The following CETP variants were observed in gnomAD, a reference collection of about 807,000 sequenced individuals.
CETP encodes the protein cholesteryl ester transfer protein.
A neutral mutation model predicts 66.5 loss-of-function variants in CETP; 56 were observed. That is an observed-to-expected ratio of 0.84 (90% CI 0.68 to 1.05). CETP has a LOEUF of 1.05. Ranked by LOEUF, CETP falls within the 50% of genes least tolerant of loss-of-function variation. The pLI, the probability that CETP is intolerant of heterozygous loss-of-function variation, is 0.00. For synonymous variants in CETP, 251 were observed against 245.7 expected (o/e 1.02, Z -0.20); for missense variants, 612 against 609.6 (o/e 1.00, Z -0.04).
At chr16:56,969,242 CAT>C in intron 2 of CETP, 142 bp from the exon 3 acceptor site, 1 of 1,047,366 alleles carries the variant, frequency 9.5e-7, no homozygotes, top group Non-Finnish European at 1.5e-6. Context: ...TGTTGGGTAA[CAT>C]ATTTGCAGGT....
intron 14 of CETP, 100 bp downstream of exon 14, chr16:56,982,337 C>T: frequency 8.8e-7 from 1 of 1,141,880 alleles, no homozygotes; most frequent in Non-Finnish European, 1.3e-6. Flanking sequence ...TGCCCCTCTT[C>T]CCAGTCATTG....
At chr16:56,979,244 A>G (rs2056171260) in intron 11 of CETP, among the ~76,000 whole-genome samples, 1 of 152,224 alleles carries the variant, frequency 6.6e-6, no homozygotes, top group Admixed American at 6.5e-5. Flanking sequence ...AATTTGTAAA[A>G]GTAGTATAGT....
intron 1 of CETP, 55 bp from the exon 2 acceptor site, chr16:56,962,955 G>A (rs747963682): frequency 1.0e-5 from 15 of 1,501,776 alleles, no homozygotes; most frequent in Non-Finnish European, 1.2e-5. Flanking sequence ...TTGGGGGTGG[G>A]AGCAGGGGGC....
chr16:56,977,864 A>C (rs2056160613), intron 10 of CETP, among the ~76,000 whole-genome samples: 1 of 152,202 alleles, frequency 6.6e-6, no homozygotes, highest in South Asian at 2.1e-4. Flanking sequence ...CTGAGAGAGG[A>C]GTTCAGGGTA....
chr16:56,978,391 A>G, intron 11 of CETP, 136 bp downstream of exon 11: 1 of 1,009,912 alleles, frequency 9.9e-7, no homozygotes, highest in South Asian at 1.3e-5. Context: ...TCTCTTGCAC[A>G]TGGCTCCTTA....
rs1266729363 is a variant in CETP at position 56,983,789 on chromosome 16, G to T, written c.*123G>T. 1.1e-6 allele frequency: 1 copy of T among 897,302 alleles called. No individual in the cohort carries two copies. Among genetic ancestry groups the T allele is most frequent in the Non-Finnish European group, 1.9e-6 (1 of 538,254 alleles). 55.6% of individuals were successfully genotyped at this position (897,302 alleles called of 1,614,324 possible). A position where few individuals can be genotyped will look rare whatever the true frequency, so the allele number is the denominator to read the frequency against. ...GTTAGGAGTACGGAGATGGAGATTG[G>T]CTCCCAACTCCTCCCTATCCTAAAG... is the stretch of plus-strand genomic sequence containing the variant. On this transcript the variant is annotated 3_prime_UTR_variant, in exon 16 of 16. Transcript: ENST00000200676.
At chr16:56,983,300 G>T in intron 14 of CETP, 26 bp from the exon 15 acceptor site, 2 of 1,607,636 alleles carry the variant, frequency 1.2e-6, no homozygotes, top group South Asian at 2.2e-5. Flanking sequence ...AAGAAGGGCT[G>T]ACTGGGGCTC....
chr16:56,965,331 TA>T (rs1173047653), intron 2 of CETP, among the ~76,000 whole-genome samples: 2 of 152,216 alleles, frequency 1.3e-5, no homozygotes, highest in African/African-American at 4.8e-5. Flanking sequence ...TGATTAATGT[TA>T]GATGAAGTTG....
chr16:56,968,049 TA>T (rs1243343377), intron 2 of CETP, among the ~76,000 whole-genome samples: 8 of 151,414 alleles, frequency 5.3e-5, no homozygotes, highest in Non-Finnish European at 1.2e-4. Context: ...TTTGCCAATC[TA>T]TTTTTTTTTA....
chr16:56,971,933 C>T (rs1222558549), intron 7 of CETP, 59 bp from the exon 8 acceptor site: 87 of 1,420,408 alleles, frequency 6.1e-5, no homozygotes, highest in South Asian at 5.3e-4. Flanking sequence ...TGCAGGGGAG[C>T]GGTGACTCAG....
At chr16:56,968,287 G>C (rs532618766) in intron 2 of CETP, among the ~76,000 whole-genome samples, 13 of 152,114 alleles carry the variant, frequency 8.5e-5, no homozygotes, top group Non-Finnish European at 1.6e-4. Context: ...GTGGGTTCAG[G>C]CTATTCTCCT....
At position 56,970,105 on chromosome 16, in the gene CETP, G is replaced by A. The variant is rs1388717534; in HGVS notation, c.527+104G>A. On this transcript the variant is annotated intron_variant, in intron 5 of 15. Transcript: ENST00000200676. ...CCCCACACAGGGCATGCTTGTGGGT[G>A]GCCAAACCTGAGGGCAGCAATACCT... is the stretch of plus-strand genomic sequence containing the variant. The A allele has an allele frequency of 2.7e-6, 3 of 1,090,976 alleles. No individual in the cohort carries two copies. In the African/African-American group the frequency reaches 4.7e-5, roughly 17 times the overall value. The allele number at this position is 1,090,976 out of a possible 1,614,324, so 67.6% of individuals were successfully genotyped here. A position where few individuals can be genotyped will look rare whatever the true frequency, so the allele number is the denominator to read the frequency against.
intron 2 of CETP, among the ~76,000 whole-genome samples, chr16:56,964,849 T>G (rs12720906): frequency 0.024 from 3,678 of 152,260 alleles, 129 homozygotes; most frequent in East Asian, 0.12. Flanking sequence ...TAAAAGAGAA[T>G]AATGGGCAAG....
At position 56,982,218 on chromosome 16, in the gene CETP, C is replaced by A. The variant is rs767606464; in HGVS notation, c.1302C>A (p.Gly434=). ...SFLQSMITAV[G]IPEVMSRLEV... The stretch of plus-strand genomic sequence containing the variant: ...TGCAGTCAATGATCACCGCTGTGGG[C>A]ATCCCTGAGGTCATGTCTCGTAAGT... Residue 434 remains glycine (G), a synonymous_variant, in exon 14 of 16, where the codon GGC becomes GGA. Coordinates refer to ENST00000200676, the MANE Select transcript of CETP (RefSeq NM_000078.3). The A allele has an allele frequency of 8.1e-6, 13 of 1,613,982 alleles. No homozygotes were observed. The highest frequency in any genetic ancestry group is 1.1e-5 in the Non-Finnish European group (13 of 1,180,004).
chr16:56,973,612 G>A (rs1484118998), intron 9 of CETP, 102 bp downstream of exon 9: 10 of 1,339,506 alleles, frequency 7.5e-6, no homozygotes, highest in Non-Finnish European at 1.0e-5. Context: ...AAACTTGGTG[G>A]TGGGCAAAAG....
chr16:56,965,867 G>T (rs989243827), intron 2 of CETP, among the ~76,000 whole-genome samples: 1 of 91,726 alleles, frequency 1.1e-5, no homozygotes, highest in Non-Finnish European at 2.2e-5. Flanking sequence ...AGTCCCCGGC[G>T]GCACAGGCAG....
chr16:56,973,207 T>C lies in CETP; in HGVS notation c.751-124T>C. The C allele has an allele frequency of 9.0e-6, 9 of 1,001,392 alleles. No individual in the cohort carries two copies. The South Asian group carries it at 1.1e-4, about 12-fold the overall frequency. The allele number at this position is 1,001,392 out of a possible 1,614,324, so 62.0% of individuals were successfully genotyped here. On this transcript the variant is annotated intron_variant, in intron 8 of 15. Transcript: ENST00000200676. The stretch of plus-strand genomic sequence containing the variant: ...CCCGCTGGGGGAAACTGGGTACAGC[T>C]CTTTCCTCAGTTTCCCCATCTGCAC...
At chr16:56,974,055 G>T (rs1231496915) in intron 9 of CETP, among the ~76,000 whole-genome samples, 2 of 152,234 alleles carry the variant, frequency 1.3e-5, no homozygotes, top group Non-Finnish European at 2.9e-5. Flanking sequence ...CTTAGGTCAG[G>T]TAGGCCCAGG....
At chr16:56,983,175 C>G in intron 14 of CETP, 151 bp from the exon 15 acceptor site, 1 of 708,588 alleles carries the variant, frequency 1.4e-6, no homozygotes, top group East Asian at 2.7e-5. Flanking sequence ...CTCAGAAGCA[C>G]TTGCTCACTC....
Sources: gnomAD v4.1 joint callset for allele counts (sites outside exome capture counted in the v4.1 genomes callset) on GRCh38, gnomAD v4.1.1 for gene constraint, MANE v1.5 for transcripts, NCBI Gene and HGNC (gene_info 2026-07-23, HGNC 2026-07-21) for gene names.